The following CERKL variants were observed in gnomAD, a reference collection of about 807,000 sequenced individuals.
CERKL encodes ceramide kinase-like protein.
Under a neutral mutation model 63.4 loss-of-function variants are expected in CERKL, and 61 were observed. The ratio of observed to expected loss-of-function variants is 0.96; its 90% confidence interval spans 0.78 to 1.19. The LOEUF is 1.19. CERKL is among the 50% of genes most tolerant of loss of function. CERKL has a pLI of 0.00. For missense variants in CERKL, 675 were observed against 655.5 expected (o/e 1.03, Z -0.33); for synonymous variants, 250 against 230.5 (o/e 1.08, Z -0.77).
rs189638090 is a variant in CERKL, at chr2:181,558,557, C to T, written c.820+9G>A. 3,406 of 1,613,148 alleles carry T rather than the reference C, an allele frequency of 2.1e-3. 4 individuals are homozygous for T. Among genetic ancestry groups the T allele is most frequent in the Non-Finnish European group, 2.6e-3 (3,114 of 1,179,592 alleles). ...GGTCAGTTTAATGAATCTGTAGCCA[C>T]TCCCTTGCCTGCTGGTATTAAGCCA... On this transcript the variant is annotated intron_variant, in intron 5 of 12. Coordinates refer to ENST00000410087, the MANE Select transcript of CERKL (RefSeq NM_201548.5). The surrounding 1 kb of genome is among the most constrained non-coding windows in gnomAD (Gnocchi z 4.2).
At chr2:181,564,858 T>G (rs1209763905) in intron 4 of CERKL, among the ~76,000 whole-genome samples, 1 of 152,198 alleles carries the variant, frequency 6.6e-6, no homozygotes, top group Non-Finnish European at 1.5e-5. Context: ...ATTGTATACT[T>G]GTAAGACAAT....
rs1688317383 is a variant in CERKL, at chr2:181,558,820, G to T, written c.678-112C>A. ...TAATTTGTAGTCTATGTGCATAACT[G>T]CTCACATGTACCTTTAAACATGTTA... is the stretch of plus-strand genomic sequence containing the variant. On this transcript the variant is annotated intron_variant, in intron 4 of 12. Transcript: ENST00000410087. The surrounding 1 kb of genome is among the most constrained non-coding windows in gnomAD (Gnocchi z 4.2). The T allele has an allele frequency of 3.9e-6, 4 of 1,016,414 alleles. No individual in the cohort carries two copies. The highest frequency in any genetic ancestry group is 3.8e-5 in the Admixed American group (2 of 52,496). 63.0% of individuals were successfully genotyped at this position (1,016,414 alleles called of 1,614,324 possible).
intron 11 of CERKL, among the ~76,000 whole-genome samples, chr2:181,543,997 AAAAG>A (rs1386818492): frequency 2.6e-5 from 4 of 151,214 alleles, no homozygotes; most frequent in Non-Finnish European, 4.4e-5. Context: ...AAAAAAAAAA[AAAAG>A]AAAGAAAAAG....
intron 1 of CERKL, among the ~76,000 whole-genome samples, chr2:181,646,589 A>G (rs1444453410): frequency 6.6e-6 from 1 of 152,196 alleles, no homozygotes; most frequent in Non-Finnish European, 1.5e-5. Context: ...ACTGACCAGA[A>G]AGCATGTAAT....
chr2:181,649,365 C>T (rs575694808), intron 1 of CERKL, among the ~76,000 whole-genome samples: 2 of 152,256 alleles, frequency 1.3e-5, no homozygotes, highest in East Asian at 3.9e-4. Flanking sequence ...CAATTATAAA[C>T]ATACATGTAC....
chr2:181,612,750 T>G (rs1686020499), intron 1 of CERKL, among the ~76,000 whole-genome samples: 1 of 152,136 alleles, frequency 6.6e-6, no homozygotes, highest in Non-Finnish European at 1.5e-5. Flanking sequence ...TAATTACAAC[T>G]TTATTTTTTG....
At chr2:181,556,917 C>A (rs1688234980) in intron 5 of CERKL, among the ~76,000 whole-genome samples, 1 of 152,148 alleles carries the variant, frequency 6.6e-6, no homozygotes, top group Non-Finnish European at 1.5e-5. Context: ...TGTTTCCTGA[C>A]TTTTTAATGA....
rs200420283 is a variant in CERKL, at chr2:181,537,574, T to A, written c.*610A>T. 2.3e-6 allele frequency: 1 copy of A among 432,368 alleles called. No homozygotes were observed. Among genetic ancestry groups the A allele is most frequent in the African/African-American group, 2.0e-5 (1 of 48,852 alleles). 26.8% of individuals were successfully genotyped at this position (432,368 alleles called of 1,614,324 possible). On this transcript the variant is annotated 3_prime_UTR_variant, in exon 13 of 13. Coordinates refer to ENST00000410087, the MANE Select transcript of CERKL (RefSeq NM_201548.5). ...GGAGCAGTGAATCAAGGCAGACTTATGAAATCTGTATTATATTTGTAACAG... is the reference window on the plus strand; with the variant it reads ...GGAGCAGTGAATCAAGGCAGACTTAAGAAATCTGTATTATATTTGTAACAG...
chr2:181,590,735 G>A lies in CERKL; in HGVS notation c.481+13102C>T, dbSNP rs868038691. On this transcript the variant is annotated intron_variant, in intron 2 of 12. Transcript: ENST00000410087. ...ATTGATATACCATTGTTTACCTATC[G>A]CATTGGAAAAATTCTAAAACATAAA... Among the ~76,000 whole-genome samples the A allele has an allele frequency of 3.3e-5, 5 of 152,094 alleles. No homozygotes were observed. The East Asian group carries it at 5.8e-4, about 18-fold the overall frequency.
At chr2:181,636,556 T>C (rs993018504) in intron 1 of CERKL, among the ~76,000 whole-genome samples, 28 of 152,144 alleles carry the variant, frequency 1.8e-4, no homozygotes, top group Non-Finnish European at 2.9e-5. Flanking sequence ...CCAACTTCCT[T>C]GCATGCTATT....
intron 1 of CERKL, among the ~76,000 whole-genome samples, chr2:181,636,306 A>G (rs925267596): frequency 6.6e-6 from 1 of 152,108 alleles, no homozygotes; most frequent in Non-Finnish European, 1.5e-5. Flanking sequence ...TTTAAGCCTC[A>G]CATCCCCCAA....
rs1688289170 is a variant in CERKL, at chr2:181,558,181, T to C, written c.820+385A>G. 6.6e-6 allele frequency among the ~76,000 whole-genome samples: 1 copy of C among 152,206 alleles called. No individual in the cohort carries two copies. Among genetic ancestry groups the C allele is most frequent in the African/African-American group, 2.4e-5 (1 of 41,460 alleles). On this transcript the variant is annotated intron_variant, in intron 5 of 12. Coordinates refer to ENST00000410087, the MANE Select transcript of CERKL (RefSeq NM_201548.5). This position sits in a 1 kb window ranked among gnomAD's most constrained non-coding sequence, Gnocchi z 4.2. ...CACCTCATATGGAATTGTAAGCAGC[T>C]AGACTGGAGTGGCCCTGTTTTGAAA...
At chr2:181,584,323 G>A (rs145236415) in intron 2 of CERKL, among the ~76,000 whole-genome samples, 262 of 151,512 alleles carry the variant, frequency 1.7e-3, no homozygotes, top group Non-Finnish European at 2.8e-3. Flanking sequence ...GCTACCCTAG[G>A]CAACACAGAG....
At chr2:181,627,025 T>C (rs1686737049) in intron 1 of CERKL, among the ~76,000 whole-genome samples, 1 of 152,240 alleles carries the variant, frequency 6.6e-6, no homozygotes. Context: ...TATTTAGAGA[T>C]TGTATTGGTT....
At chr2:181,569,321 A>G (rs1281664727) in intron 3 of CERKL, among the ~76,000 whole-genome samples, 3 of 152,212 alleles carry the variant, frequency 2.0e-5, no homozygotes, top group African/African-American at 7.2e-5. Context: ...AAATGCAGGT[A>G]AAATTGGAAG....
At chr2:181,573,929 A>AT (rs759149128) in intron 2 of CERKL, 45 bp from the exon 3 acceptor site, 26 of 1,587,612 alleles carry the variant, frequency 1.6e-5, no homozygotes, top group South Asian at 5.7e-5. Context: ...CCTTGTCATC[A>AT]TTTTTTTTCT....
chr2:181,560,926 AC>A (rs1688413182), intron 4 of CERKL, among the ~76,000 whole-genome samples: 1 of 152,184 alleles, frequency 6.6e-6, no homozygotes, highest in African/African-American at 2.4e-5. Context: ...AAGTGACTCA[AC>A]CTAGGAAATA....
chr2:181,553,461 A>G (rs1688074380), intron 5 of CERKL, among the ~76,000 whole-genome samples: 1 of 152,204 alleles, frequency 6.6e-6, no homozygotes, highest in Non-Finnish European at 1.5e-5. Context: ...GCATTCCTCT[A>G]GAAAGGCTAT....
At position 181,587,223 on chromosome 2, in the gene CERKL, G is replaced by A. The variant is rs182870839; in HGVS notation, c.482-13339C>T. On this transcript the variant is annotated intron_variant, in intron 2 of 12. Coordinates refer to ENST00000410087, the MANE Select transcript of CERKL (RefSeq NM_201548.5). Reference sequence around the variant, plus strand: ...CACAGATGAAAATAATTTTAATGCCGTAAGTCAAAGTAAAAACAAAGCCAT... The same window carrying A: ...CACAGATGAAAATAATTTTAATGCCATAAGTCAAAGTAAAAACAAAGCCAT... 3.7e-3 allele frequency among the ~76,000 whole-genome samples: 560 copies of A among 152,202 alleles called. 9 individuals carry two copies. Among genetic ancestry groups the A allele is most frequent in the African/African-American group, 0.012 (487 of 41,528 alleles).
Sources: gnomAD v4.1 joint callset for allele counts (sites outside exome capture counted in the v4.1 genomes callset) on GRCh38, gnomAD v4.1.1 for gene constraint, Gnocchi (gnomAD v3.1) non-coding constraint, MANE v1.5 for transcripts, NCBI Gene and HGNC (gene_info 2026-07-23, HGNC 2026-07-21) for gene names.